Variants in PCDH11Y observed in about 807,000 individuals in gnomAD.
The protein encoded by PCDH11Y is protocadherin 11 Y-linked.
For missense variants in PCDH11Y, 12 were observed against 224.8 expected, an observed-to-expected ratio of 0.05 and a Z score of 6.05; for synonymous variants, 9 against 83.6, an observed-to-expected ratio of 0.11 and a Z score of 4.87.
intron 2 of PCDH11Y, among the ~76,000 whole-genome samples, chrY:5,320,246 CTG>C (rs2053111229): frequency 3.0e-5 from 1 of 33,810 alleles, no homozygotes; most frequent in African/African-American, 1.1e-4. Flanking sequence ...TTTGAACAAT[CTG>C]TAATATAAAA....
At chrY:5,486,637 A>C (rs2124686336) in intron 2 of PCDH11Y, among the ~76,000 whole-genome samples, 1 of 16,618 alleles carries the variant, frequency 6.0e-5, no homozygotes, top group African/African-American at 2.3e-4. Flanking sequence ...GCAGATTTTA[A>C]GGGTTTACCT....
intron 2 of PCDH11Y, among the ~76,000 whole-genome samples, chrY:5,490,752 A>C: frequency 8.9e-5 from 3 of 33,730 alleles, no homozygotes; most frequent in African/African-American, 3.5e-4. Context: ...CCCAGCTGGG[A>C]CTGCTGCCCC....
chrY:5,239,519 A>G, intron 2 of PCDH11Y, among the ~76,000 whole-genome samples: 1 of 32,663 alleles, frequency 3.1e-5, no homozygotes, highest in Non-Finnish European at 7.5e-5. Flanking sequence ...GCACATGTAT[A>G]CATATGGAAC....
At chrY:5,487,285 C>T (rs1602932865) in intron 2 of PCDH11Y, among the ~76,000 whole-genome samples, 1 of 31,659 alleles carries the variant, frequency 3.2e-5, no homozygotes, top group Non-Finnish European at 7.7e-5. Flanking sequence ...CTGCAATCTC[C>T]GCCTCCTGGG....
intron 3 of PCDH11Y, among the ~76,000 whole-genome samples, chrY:5,543,964 C>A: frequency 3.1e-5 from 1 of 32,486 alleles, no homozygotes. Context: ...AGGTTTACAA[C>A]CCTGTTTGCA....
At chrY:5,143,620 C>T in intron 2 of PCDH11Y, among the ~76,000 whole-genome samples, 1 of 33,518 alleles carries the variant, frequency 3.0e-5, no homozygotes, top group East Asian at 7.9e-4. Context: ...GACAAAAACA[C>T]ATTTTATTCC....
intron 4 of PCDH11Y, among the ~76,000 whole-genome samples, chrY:5,676,988 A>G (rs1196976016): frequency 6.1e-5 from 2 of 32,702 alleles, no homozygotes; most frequent in Admixed American, 2.8e-4. Context: ...GTACCTTGGT[A>G]CCAATTTACT....
intron 3 of PCDH11Y, among the ~76,000 whole-genome samples, chrY:5,553,032 C>T (rs375916512): frequency 3.5e-5 from 1 of 28,589 alleles, no homozygotes; most frequent in African/African-American, 1.3e-4. Flanking sequence ...TATGAATTAT[C>T]GGAAATTACA....
intron 4 of PCDH11Y, among the ~76,000 whole-genome samples, chrY:5,647,318 C>A (rs2124705741): frequency 3.0e-5 from 1 of 32,877 alleles, no homozygotes; most frequent in African/African-American, 1.2e-4. Context: ...ATAGTGAAAA[C>A]GGTCTCTTTA....
intron 4 of PCDH11Y, among the ~76,000 whole-genome samples, chrY:5,656,447 T>A (rs2124706746): frequency 3.1e-5 from 1 of 31,950 alleles, no homozygotes; most frequent in South Asian, 7.0e-4. Context: ...TCCATTTTTT[T>A]TTTTTTGCTT....
At chrY:5,464,787 T>C in intron 2 of PCDH11Y, among the ~76,000 whole-genome samples, 1 of 31,800 alleles carries the variant, frequency 3.1e-5, no homozygotes, top group Non-Finnish European at 7.6e-5. Flanking sequence ...ATTCCTGAAG[T>C]AGTTCTTGGA....
intron 4 of PCDH11Y, among the ~76,000 whole-genome samples, chrY:5,625,286 GA>G (rs2053505297): frequency 6.6e-5 from 2 of 30,312 alleles, no homozygotes; most frequent in Admixed American, 6.3e-4. Flanking sequence ...TATGATCTGT[GA>G]ACATAAATAG....
chrY:5,533,302 A>T, intron 3 of PCDH11Y, among the ~76,000 whole-genome samples: 1 of 33,400 alleles, frequency 3.0e-5, no homozygotes, highest in Non-Finnish European at 7.4e-5. Context: ...TTTTACTACC[A>T]CAGTAAAAAT....
chrY:5,649,920 GT>G (rs2053529829), intron 4 of PCDH11Y, among the ~76,000 whole-genome samples: 6 of 32,279 alleles, frequency 1.9e-4, no homozygotes, highest in African/African-American at 7.2e-4. Context: ...TTTAGCTTAA[GT>G]TTTTTTTCAT....
intron 3 of PCDH11Y, among the ~76,000 whole-genome samples, chrY:5,554,837 T>A: frequency 3.0e-5 from 1 of 33,751 alleles, no homozygotes; most frequent in Non-Finnish European, 7.4e-5. Flanking sequence ...AGCACCCTCA[T>A]GAAGAACCTC....
intron 4 of PCDH11Y, among the ~76,000 whole-genome samples, chrY:5,629,682 C>A: frequency 5.9e-5 from 2 of 34,165 alleles, no homozygotes; most frequent in Non-Finnish European, 1.5e-4. Context: ...GAAGCTGTAA[C>A]CTAAGGGCAT....
intron 4 of PCDH11Y, among the ~76,000 whole-genome samples, chrY:5,613,844 A>G: frequency 1.5e-4 from 5 of 32,930 alleles, no homozygotes; most frequent in African/African-American, 2.4e-4. Context: ...CTCACTAACA[A>G]TACTGAATTT....
At chrY:5,517,258 CA>C (rs2053373519) in intron 3 of PCDH11Y, among the ~76,000 whole-genome samples, 1 of 32,904 alleles carries the variant, frequency 3.0e-5, no homozygotes, top group African/African-American at 1.2e-4. Flanking sequence ...ATGAGTTCTG[CA>C]AAATGGTGAT....
intron 3 of PCDH11Y, among the ~76,000 whole-genome samples, chrY:5,516,624 T>TTTG (rs2053373066): frequency 3.1e-5 from 1 of 32,697 alleles, no homozygotes. Context: ...ATTTACGTTT[T>TTTG]TTTGTTTGTT....
Sources: gnomAD v4.1 joint callset for allele counts (sites outside exome capture counted in the v4.1 genomes callset) on GRCh38, gnomAD v4.1.1 for gene constraint, MANE v1.5 for transcripts, NCBI Gene and HGNC (gene_info 2026-07-23, HGNC 2026-07-21) for gene names.